Variants in FXR1 observed in about 807,000 individuals in gnomAD.
The protein encoded by FXR1 is FMR1 autosomal homolog 1, also known as RNA-binding protein FXR1.
In FXR1, 15 loss-of-function variants were observed where a neutral mutation model predicts 84.0. The observed-to-expected ratio is 0.18, with a 90% CI of 0.12 to 0.27. The LOEUF (loss-of-function observed/expected upper bound fraction) is 0.27, where lower values mean the gene tolerates loss of function less well. Ranked by LOEUF, FXR1 falls within the 10% of genes least tolerant of loss-of-function variation. FXR1 has a pLI of 1.00. For missense variants in FXR1, 480 were observed against 774.4 expected (o/e 0.62, Z 4.51); for synonymous variants, 245 against 250.7 (o/e 0.98, Z 0.21).
At chr3:180,975,443 AT>A in intron 16 of FXR1, 39 bp downstream of exon 16, 1 of 758,610 alleles carries the variant, frequency 1.3e-6, no homozygotes, top group Non-Finnish European at 2.2e-6. Context: ...TTTTTTTTTA[AT>A]TTTTGGTATG....
intron 9 of FXR1, among the ~76,000 whole-genome samples, chr3:180,956,176 A>G (rs538416411): frequency 1.3e-5 from 2 of 152,336 alleles, no homozygotes; most frequent in East Asian, 1.9e-4. Context: ...TGAGAGTTCT[A>G]AGATGACCAT....
rs1721907503 is a variant in FXR1 at position 180,948,439 on chromosome 3, C to A, written c.363C>A (p.Val121=). The change falls in exon 5 of 17, where the codon GTC becomes GTA. Residue 121 remains valine (V), a synonymous_variant. Transcript: ENST00000357559. ...RLRPVNQNKT[V]KKNTFFKCTV... ...GGCCTGTCAATCAAAATAAAACTGT[C>A]AAAAAAAATACCTTCTTTAAATGCA... 1 of 1,604,228 alleles carries A rather than the reference C, an allele frequency of 6.2e-7. No individual in the cohort carries two copies. The highest frequency in any genetic ancestry group is 2.2e-5 in the East Asian group (1 of 44,782).
At chr3:180,950,996 T>G (rs1340022177) in intron 7 of FXR1, among the ~76,000 whole-genome samples, 1 of 152,012 alleles carries the variant, frequency 6.6e-6, no homozygotes, top group Admixed American at 6.6e-5. Context: ...GAGGATTGCT[T>G]TAGCCCAAAA....
chr3:180,970,175 A>G lies in FXR1; in HGVS notation c.1420A>G (p.Ser474Gly). 6.3e-7 allele frequency: 1 copy of G among 1,598,176 alleles called. No individual in the cohort carries two copies. The highest frequency in any genetic ancestry group is 8.6e-7 in the Non-Finnish European group (1 of 1,165,744). ...SISSVLKDPD[S>G]NPYSLLDNTE... ...GAATATAGTGCTCAAAGATCCAGAC[A>G]GCAATCCATACAGCTTACTTGATAA... The change falls in exon 15 of 17, where the codon AGC becomes GGC. Residue 474 changes from serine (S) to glycine (G), a missense_variant. Physicochemically the swap from Ser to Gly is moderately conservative, Grantham distance 56. Around this residue, in one of 6 missense-constraint regions of FXR1, gnomAD observed 157 missense variants for 227.8 expected, o/e 0.69. Transcript: ENST00000357559.
chr3:180,964,141 T>C (rs1395453347), intron 13 of FXR1, among the ~76,000 whole-genome samples: 4 of 152,232 alleles, frequency 2.6e-5, no homozygotes, highest in Non-Finnish European at 5.9e-5. Flanking sequence ...TATATATGTT[T>C]TTATTTAATG....
chr3:180,936,229 G>A (rs758312956), intron 3 of FXR1, among the ~76,000 whole-genome samples: 17 of 151,768 alleles, frequency 1.1e-4, no homozygotes, highest in Non-Finnish European at 2.4e-4. Context: ...TCTGTACTAA[G>A]CACTTTGCAA....
At position 180,932,075 on chromosome 3, in the gene FXR1, CAA is replaced by C. The variant is rs4042648; in HGVS notation, c.52-1245_52-1244del. Among the ~76,000 whole-genome samples the C allele has an allele frequency of 2.4e-4, 19 of 79,162 alleles. 1 individual carries two copies. Among genetic ancestry groups the C allele is most frequent in the Admixed American group, 1.3e-3 (7 of 5,350 alleles). 51.9% of individuals were successfully genotyped at this position (79,162 alleles called of 152,430 possible). The stretch of plus-strand genomic sequence containing the variant: ...CTTCTTCCATTTACTTTGTAAGTTT[CAA>C]AAAAAAAAAAAAACAACTTTTTTGT... On this transcript the variant is annotated intron_variant, in intron 1 of 16. Coordinates refer to ENST00000357559, the MANE Select transcript of FXR1 (RefSeq NM_005087.4).
chr3:180,978,038 A>T lies in FXR1; in HGVS notation c.*1746A>T, dbSNP rs569445078. The T allele has an allele frequency of 1.3e-5, 2 of 152,114 alleles. No homozygotes were observed. Among genetic ancestry groups the T allele is most frequent in the South Asian group, 2.1e-4 (1 of 4,822 alleles). The allele number at this position is 152,114 out of a possible 1,614,324, so 9.4% of individuals were successfully genotyped here. ...CAAGTAATTTCATGTCCTGATATTT[A>T]AAAAAATTACCCACAAATGTGTTTT... On this transcript the variant is annotated 3_prime_UTR_variant, in exon 17 of 17. Coordinates refer to ENST00000357559, the MANE Select transcript of FXR1 (RefSeq NM_005087.4).
At chr3:180,952,735 A>G (rs1171610898) in intron 8 of FXR1, among the ~76,000 whole-genome samples, 1 of 152,106 alleles carries the variant, frequency 6.6e-6, no homozygotes, top group African/African-American at 2.4e-5. Context: ...GATTAGATGC[A>G]TTGTAAAAAA....
At chr3:180,969,574 G>C (rs2108492479) in intron 14 of FXR1, among the ~76,000 whole-genome samples, 1 of 152,222 alleles carries the variant, frequency 6.6e-6, no homozygotes, top group East Asian at 1.9e-4. Flanking sequence ...TTCATAACCA[G>C]TTAGAAGTTC....
At chr3:180,925,600 A>G (rs2108432502) in intron 1 of FXR1, among the ~76,000 whole-genome samples, 1 of 152,320 alleles carries the variant, frequency 6.6e-6, no homozygotes, top group African/African-American at 2.4e-5. Flanking sequence ...AAGTTTGAGT[A>G]CTAAAGAGTG....
At chr3:180,965,086 G>T (rs1169229523) in intron 13 of FXR1, among the ~76,000 whole-genome samples, 1 of 151,524 alleles carries the variant, frequency 6.6e-6, no homozygotes, top group Non-Finnish European at 1.5e-5. Flanking sequence ...GCACAATCTC[G>T]GCTCACCGCA....
intron 1 of FXR1, chr3:180,915,707 A>C (rs1717817629): frequency 2.9e-6 from 2 of 697,822 alleles, no homozygotes; most frequent in East Asian, 5.4e-5. Flanking sequence ...GTAAGTGTGA[A>C]TTGCCATTGA....
chr3:180,948,515 A>G lies in FXR1; in HGVS notation c.419+20A>G, dbSNP rs754347710. 8.9e-5 allele frequency: 137 copies of G among 1,532,828 alleles called. No homozygotes were observed. Among genetic ancestry groups the G allele is most frequent in the Non-Finnish European group, 1.1e-4 (126 of 1,114,106 alleles). The allele number at this position is 1,532,828 out of a possible 1,614,324, so 95.0% of individuals were successfully genotyped here. A position where few individuals can be genotyped will look rare whatever the true frequency, so the allele number is the denominator to read the frequency against. ...AGAGGCGTGAGTAATTTTATATACTATTGAATTGTTCTGTGAATTAAGAAG... is the reference window on the plus strand; with the variant it reads ...AGAGGCGTGAGTAATTTTATATACTGTTGAATTGTTCTGTGAATTAAGAAG... On this transcript the variant is annotated intron_variant, in intron 5 of 16. Transcript: ENST00000357559.
chr3:180,926,506 A>ATATATATATATATATATATTTTTTTT (rs72192827), intron 1 of FXR1, among the ~76,000 whole-genome samples: 1 of 124,394 alleles, frequency 8.0e-6, no homozygotes, highest in African/African-American at 2.9e-5. Flanking sequence ...ATATATATAT[A>ATATATATATATATATATATTTTTTTT]TTTTTTTTTC....
At chr3:180,970,461 G>T (rs1447998047) in intron 15 of FXR1, 103 bp downstream of exon 15, 1 of 229,280 alleles carries the variant, frequency 4.4e-6, no homozygotes, top group African/African-American at 2.5e-5. Context: ...TTTTTTCAAA[G>T]AAATATGCAA....
Position 180,939,614 on chromosome 3 carries a change from A to T in FXR1, c.198+4383A>T, listed in dbSNP as rs575195109. On this transcript the variant is annotated intron_variant, in intron 3 of 16. Coordinates refer to ENST00000357559, the MANE Select transcript of FXR1 (RefSeq NM_005087.4). ...CGGGAGCTCTACCATCATACTTTTT[A>T]AACAGATTATTTCAGAGTCACAAAA... 7.2e-4 allele frequency among the ~76,000 whole-genome samples: 109 copies of T among 152,244 alleles called. 2 individuals are homozygous for T. The highest frequency in any genetic ancestry group is 1.2e-4 in the Non-Finnish European group (8 of 68,010).
intron 3 of FXR1, among the ~76,000 whole-genome samples, chr3:180,938,046 C>A (rs1464540533): frequency 6.6e-6 from 1 of 152,008 alleles, no homozygotes; most frequent in Non-Finnish European, 1.5e-5. Context: ...CAAACATTTT[C>A]GTGTCTTCTC....
Position 180,980,077 on chromosome 3 carries a change from A to C in FXR1, c.*3785A>C, listed in dbSNP as rs1390745415. Reference sequence around the variant, plus strand: ...TTCTCTATGGTTTCAATTTTATCCAACCAGAGAGGGCTGGCCTAGTTGGTA... The same window carrying C: ...TTCTCTATGGTTTCAATTTTATCCACCCAGAGAGGGCTGGCCTAGTTGGTA... On this transcript the variant is annotated 3_prime_UTR_variant, in exon 17 of 17. Coordinates refer to ENST00000357559, the MANE Select transcript of FXR1 (RefSeq NM_005087.4). 1 of 152,068 alleles carries C rather than the reference A, an allele frequency of 6.6e-6. No individual in the cohort carries two copies. Among genetic ancestry groups the C allele is most frequent in the African/African-American group, 2.4e-5 (1 of 41,434 alleles). 9.4% of individuals were successfully genotyped at this position (152,068 alleles called of 1,614,324 possible).
Sources: allele counts gnomAD v4.1 joint callset (sites outside exome capture counted in the v4.1 genomes callset), GRCh38; gene constraint gnomAD v4.1.1; regional missense constraint gnomAD v4.1.1; transcripts MANE v1.5; gene names NCBI Gene and HGNC (gene_info 2026-07-23, HGNC 2026-07-21).